The following SORCS3 variants were observed in gnomAD, a reference collection of about 807,000 sequenced individuals.
SORCS3 encodes VPS10 domain-containing receptor SorCS3.
Under a neutral mutation model 146.3 loss-of-function variants are expected in SORCS3, and 57 were observed. The observed-to-expected ratio is 0.39, with a 90% CI of 0.31 to 0.49. The LOEUF is 0.49. SORCS3 is among the 20% of genes least tolerant of loss of function. The pLI, the probability that SORCS3 is intolerant of heterozygous loss-of-function variation, is 0.92. For synonymous variants in SORCS3, 653 were observed against 618.5 expected (o/e 1.06, Z -0.83); for missense variants, 1,341 against 1,575.5 (o/e 0.85, Z 2.52).
intron 5 of SORCS3, among the ~76,000 whole-genome samples, chr10:105,089,540 C>T (rs544637962): frequency 2.0e-5 from 3 of 152,310 alleles, no homozygotes; most frequent in South Asian, 2.1e-4. Flanking sequence ...TTCTTTGAAT[C>T]GTTGACTTAT....
At chr10:104,822,056 C>A (rs2017879054) in intron 1 of SORCS3, 2 of 516,956 alleles carry the variant, frequency 3.9e-6, no homozygotes, top group Non-Finnish European at 7.7e-6. Context: ...GTTTCCACCC[C>A]TTATTTTTTA....
intron 2 of SORCS3, among the ~76,000 whole-genome samples, chr10:104,871,950 C>T (rs2018523086): frequency 6.6e-6 from 1 of 152,088 alleles, no homozygotes; most frequent in African/African-American, 2.4e-5. Context: ...TGGAACACAT[C>T]TGTACTGTAG....
In SORCS3 at chr10:105,221,269, A is replaced by G. The variant is rs192508524; in HGVS notation, c.2735-1847A>G. On this transcript the variant is annotated intron_variant, in intron 19 of 26. Transcript: ENST00000369701. ...CCACCCAAATAGCAGTCACTGTCCA[A>G]ACACTTTCCCCTTCAACATAAAATT... Among the ~76,000 whole-genome samples, 48 of 152,214 alleles carry G rather than the reference A, an allele frequency of 3.2e-4. 1 individual carries two copies. The highest frequency in any genetic ancestry group is 1.1e-3 in the African/African-American group (44 of 41,538).
intron 2 of SORCS3, among the ~76,000 whole-genome samples, chr10:104,904,182 G>C (rs1428419972): frequency 6.6e-6 from 1 of 152,186 alleles, no homozygotes; most frequent in Non-Finnish European, 1.5e-5. Flanking sequence ...CTGGTATGGA[G>C]ATACAGTAAA....
intron 3 of SORCS3, among the ~76,000 whole-genome samples, chr10:104,949,287 G>A (rs1477948369): frequency 2.0e-5 from 3 of 152,154 alleles, no homozygotes; most frequent in Non-Finnish European, 4.4e-5. Flanking sequence ...CATGAGTGGT[G>A]GAAGGAACTT....
intron 2 of SORCS3, among the ~76,000 whole-genome samples, chr10:104,897,898 G>A (rs987772906): frequency 1.2e-4 from 19 of 152,116 alleles, no homozygotes; most frequent in African/African-American, 2.4e-4. Context: ...GATATCTGCC[G>A]CCCATACTGA....
chr10:104,651,543 A>AC (rs1264743503), intron 1 of SORCS3, among the ~76,000 whole-genome samples: 2 of 146,764 alleles, frequency 1.4e-5, no homozygotes, highest in Non-Finnish European at 3.0e-5. Flanking sequence ...TAAAAAAAAA[A>AC]AAAAAAAAAA....
At chr10:104,686,121 C>T (rs2151970) in intron 1 of SORCS3, among the ~76,000 whole-genome samples, 62,104 of 151,744 alleles carry the variant, frequency 0.41, 14,271 homozygotes, top group Middle Eastern at 0.64. Flanking sequence ...GGGACATCTA[C>T]TCTAATTTCT....
intron 14 of SORCS3, among the ~76,000 whole-genome samples, chr10:105,198,003 T>G (rs979676784): frequency 2.0e-5 from 3 of 152,176 alleles, no homozygotes; most frequent in Non-Finnish European, 2.9e-5. Flanking sequence ...TTTTAATGTC[T>G]TCATTAGGTA....
intron 7 of SORCS3, among the ~76,000 whole-genome samples, chr10:105,108,620 A>G (rs2055838934): frequency 1.3e-5 from 2 of 152,174 alleles, no homozygotes; most frequent in Admixed American, 6.5e-5. Context: ...GCTAGATCCC[A>G]CTGGGCCTTG....
At chr10:105,013,020 G>A (rs1259802229) in intron 4 of SORCS3, among the ~76,000 whole-genome samples, 1 of 152,142 alleles carries the variant, frequency 6.6e-6, no homozygotes, top group African/African-American at 2.4e-5. Context: ...TTATGATTGA[G>A]GGTGGTTTAT....
chr10:104,883,984 G>GGA (rs1006326151), intron 2 of SORCS3, among the ~76,000 whole-genome samples: 1 of 150,390 alleles, frequency 6.6e-6, no homozygotes, highest in African/African-American at 2.4e-5. Flanking sequence ...ATGAGGGGGG[G>GGA]GAAAGGGTCC....
intron 7 of SORCS3, among the ~76,000 whole-genome samples, chr10:105,126,849 G>A (rs1233367107): frequency 6.6e-6 from 1 of 152,148 alleles, no homozygotes; most frequent in Non-Finnish European, 1.5e-5. Flanking sequence ...TTGTGCTTCT[G>A]AGGAAAGGAT....
chr10:105,255,714 C>G lies in SORCS3; in HGVS notation c.3250C>G (p.Leu1084Val). 1 of 1,613,136 alleles carries G rather than the reference C, an allele frequency of 6.2e-7. No homozygotes were observed. The highest frequency in any genetic ancestry group is 8.5e-7 in the Non-Finnish European group (1 of 1,179,294). The change falls in exon 24 of 27, where the codon CTG becomes GTG. Residue 1084 changes from leucine (L) to valine (V), a missense_variant. Coordinates refer to ENST00000369701, the MANE Select transcript of SORCS3 (RefSeq NM_014978.3). ...CTTATTTTTTCAGATTGTAGAAACACTGTTTAATGCTCTCAACCAAAATTT... is the reference window on the plus strand; with the variant it reads ...CTTATTTTTTCAGATTGTAGAAACAGTGTTTAATGCTCTCAACCAAAATTT... The part of the protein sequence containing the change: ...EGDLEQIVET[L>V]FNALNQNLVQ...
At chr10:104,932,077 A>G (rs371782600) in intron 3 of SORCS3, among the ~76,000 whole-genome samples, 17 of 152,312 alleles carry the variant, frequency 1.1e-4, no homozygotes, top group East Asian at 7.7e-4. Flanking sequence ...TCCTGGTCTC[A>G]GCCGCCCTGC....
At chr10:104,942,784 A>G (rs2133619712) in intron 3 of SORCS3, among the ~76,000 whole-genome samples, 1 of 152,338 alleles carries the variant, frequency 6.6e-6, no homozygotes, top group South Asian at 2.1e-4. Context: ...AACTTCCTTA[A>G]TGAGATAAAG....
At chr10:104,893,803 A>G (rs1452179596) in intron 2 of SORCS3, among the ~76,000 whole-genome samples, 1 of 152,136 alleles carries the variant, frequency 6.6e-6, no homozygotes, top group Non-Finnish European at 1.5e-5. Flanking sequence ...AAGCACTGCC[A>G]TGCTTAGTAG....
At chr10:105,049,717 C>G (rs374315614) in intron 5 of SORCS3, among the ~76,000 whole-genome samples, 1 of 151,990 alleles carries the variant, frequency 6.6e-6, no homozygotes, top group African/African-American at 2.4e-5. Flanking sequence ...AACATAGGAA[C>G]AGAAGACCAA....
intron 21 of SORCS3, 39 bp downstream of exon 21, chr10:105,245,704 T>A (rs2056861698): frequency 6.2e-7 from 1 of 1,604,226 alleles, no homozygotes. Flanking sequence ...TCCTTCCCGC[T>A]CAGTTAATCT....
Sources: allele counts gnomAD v4.1 joint callset (sites outside exome capture counted in the v4.1 genomes callset), GRCh38; gene constraint gnomAD v4.1.1; transcripts MANE v1.5; gene names NCBI Gene and HGNC (gene_info 2026-07-23, HGNC 2026-07-21).